Variants in RAPGEF3 observed in about 807,000 individuals in gnomAD.
RAPGEF3 encodes the protein Rap guanine nucleotide exchange factor 3.
RAPGEF3 carries 103 observed loss-of-function variants against 129.8 expected under a neutral mutation model. The ratio of observed to expected loss-of-function variants is 0.79; its 90% CI spans 0.68 to 0.93. The LOEUF is 0.93. Ranked by LOEUF, RAPGEF3 falls within the 40% of genes least tolerant of loss-of-function variation. RAPGEF3 has a pLI of 0.00. For missense variants in RAPGEF3, 1,117 were observed against 1,207.4 expected, an observed-to-expected ratio of 0.93 and a Z score of 1.11; for synonymous variants, 436 against 482.6, an observed-to-expected ratio of 0.90 and a Z score of 1.26.
chr12:47,744,140 G>A (rs1592547682), intron 16 of RAPGEF3, 72 bp from the exon 17 acceptor site: 2 of 1,293,066 alleles, frequency 1.5e-6, no homozygotes, highest in East Asian at 5.0e-5. Flanking sequence ...GGGATTGTGA[G>A]GTCCCTGTGT....
At chr12:47,742,547 C>T (rs949904296) in intron 18 of RAPGEF3, among the ~76,000 whole-genome samples, 1 of 152,184 alleles carries the variant, frequency 6.6e-6, no homozygotes, top group African/African-American at 2.4e-5. Context: ...CTGTCAAGCC[C>T]GTGCCCTCCG....
chr12:47,746,858 AC>A lies in RAPGEF3; in HGVS notation c.1596+1del, dbSNP rs1411997173. 1 of 1,592,566 alleles carries A rather than the reference AC, an allele frequency of 6.3e-7. No homozygotes were observed. The highest frequency in any genetic ancestry group is 8.5e-7 in the Non-Finnish European group (1 of 1,173,424). On this transcript the variant is annotated splice_donor_variant, in intron 16 of 27. Transcript: ENST00000449771. LOFTEE classifies it high-confidence loss of function. ...GGAAAGAAACTGGGGCCAGGCAGAC[AC>A]CTTCATCTGAGGAGATGCATTCCCA...
chr12:47,758,864 T>A lies in RAPGEF3; in HGVS notation c.-308A>T. ...GAAGGAGCCAGCTGGCACCGGGCGC[T>A]GAAGCAAGGCTGCGCTGGCACCGGT... On this transcript the variant is annotated 5_prime_UTR_variant, in exon 1 of 28. Coordinates refer to ENST00000449771, the MANE Select transcript of RAPGEF3 (RefSeq NM_001098531.4). The A allele has an allele frequency of 8.5e-7, 1 of 1,170,906 alleles. No homozygotes were observed. The highest frequency in any genetic ancestry group is 1.1e-6 in the Non-Finnish European group (1 of 946,906). The allele number at this position is 1,170,906 out of a possible 1,614,324, so 72.5% of individuals were successfully genotyped here.
chr12:47,757,476 G>A (rs1224408929), intron 2 of RAPGEF3, among the ~76,000 whole-genome samples: 1 of 152,112 alleles, frequency 6.6e-6, no homozygotes, highest in African/African-American at 2.4e-5. Context: ...TTGCCACGGT[G>A]ATGCACCCAG....
In RAPGEF3 at chr12:47,741,057, G is replaced by T; in HGVS notation, c.1924-17C>A. On this transcript the variant is annotated splice_polypyrimidine_tract_variant and intron_variant, in intron 19 of 27. Coordinates refer to ENST00000449771, the MANE Select transcript of RAPGEF3 (RefSeq NM_001098531.4). ...GTGTGGGATCTGCGGGTGGGAGAGT[G>T]CTCAGGGGGCTGCCTGAGGAATCCA... The T allele has an allele frequency of 6.2e-7, 1 of 1,610,588 alleles. No homozygotes were observed. Among genetic ancestry groups the T allele is most frequent in the Non-Finnish European group, 8.5e-7 (1 of 1,178,702 alleles).
chr12:47,743,555 C>G lies in RAPGEF3; in HGVS notation c.1800G>C (p.Val600=), dbSNP rs765751520. 2 of 1,614,008 alleles carry G rather than the reference C, an allele frequency of 1.2e-6. No individual in the cohort carries two copies. The highest frequency in any genetic ancestry group is 2.7e-5 in the African/African-American group (2 of 74,944). Residue 600 remains valine (V), a synonymous_variant, in exon 18 of 28, where the codon GTG becomes GTC. Coordinates refer to ENST00000449771, the MANE Select transcript of RAPGEF3 (RefSeq NM_001098531.4). The part of the protein sequence containing the change: ...AQEDGWTKGQ[V]LVKVNSAGDA... ...CACCTGCAGAATTGACCTTCACCAG[C>G]ACCTGCCCCTTGGTCCAGCCATCCT...
Position 47,740,198 on chromosome 12 carries a change from A to G in RAPGEF3, c.2323-7T>C. 4.3e-6 allele frequency: 7 copies of G among 1,613,798 alleles called. No individual in the cohort carries two copies. The highest frequency in any genetic ancestry group is 5.1e-6 in the Non-Finnish European group (6 of 1,179,908). Reference sequence around the variant, plus strand: ...GGACTTTGTGAGGCAGCCGCTGTGAAAAGGAGGCAGATGAGCGGCTGCTCT... The same window carrying G: ...GGACTTTGTGAGGCAGCCGCTGTGAGAAGGAGGCAGATGAGCGGCTGCTCT... On this transcript the variant is annotated splice_polypyrimidine_tract_variant and splice_region_variant and intron_variant, in intron 22 of 27. Transcript: ENST00000449771.
Position 47,737,336 on chromosome 12 carries a change from C to T in RAPGEF3, c.*231G>A. Reference sequence around the variant, plus strand: ...CACTCCTGGGGCCTCTCTGTCCTCCCTTCCTTGGCCTTGGGTCATTCGTTA... The same window carrying T: ...CACTCCTGGGGCCTCTCTGTCCTCCTTTCCTTGGCCTTGGGTCATTCGTTA... On this transcript the variant is annotated 3_prime_UTR_variant, in exon 28 of 28. Coordinates refer to ENST00000449771, the MANE Select transcript of RAPGEF3 (RefSeq NM_001098531.4). The T allele has an allele frequency of 1.8e-6, 1 of 551,930 alleles. No individual in the cohort carries two copies. Among genetic ancestry groups the T allele is most frequent in the Non-Finnish European group, 3.2e-6 (1 of 307,852 alleles). 34.2% of individuals were successfully genotyped at this position (551,930 alleles called of 1,614,324 possible).
At position 47,740,813 on chromosome 12, in the gene RAPGEF3, A is replaced by T. The variant is rs1489502671; in HGVS notation, c.2060T>A (p.Ile687Asn). ...LFNSIHQVEL[I>N]HYVLGPQHLR... Reference sequence around the variant, plus strand: ...ATGCTGGGGGCCCAGCACATAGTGGATCAGCTCCACCTGGGTGGGGTCAGC... The same window carrying T: ...ATGCTGGGGGCCCAGCACATAGTGGTTCAGCTCCACCTGGGTGGGGTCAGC... Residue 687 changes from isoleucine to asparagine, a missense_variant, in exon 21 of 28, where the codon ATC (isoleucine) becomes AAC (asparagine). By Grantham distance (149) the Ile-to-Asn change is moderately radical. Around this residue, in one of 3 missense-constraint regions of RAPGEF3, gnomAD observed 643 missense variants for 673.4 expected, o/e 0.95. Coordinates refer to ENST00000449771, the MANE Select transcript of RAPGEF3 (RefSeq NM_001098531.4). The T allele has an allele frequency of 6.2e-7, 1 of 1,613,892 alleles. No individual in the cohort carries two copies. Among genetic ancestry groups the T allele is most frequent in the Non-Finnish European group, 8.5e-7 (1 of 1,179,968 alleles).
chr12:47,748,241 C>T (rs555610914), intron 12 of RAPGEF3, 89 bp from the exon 13 acceptor site: 3 of 1,153,250 alleles, frequency 2.6e-6, no homozygotes, highest in African/African-American at 3.1e-5. Flanking sequence ...GACCCTTCCC[C>T]ACATCCCACC....
Position 47,739,204 on chromosome 12 carries a change from G to A in RAPGEF3, c.2400C>T (p.Tyr800=), listed in dbSNP as rs767527335. The change falls in exon 24 of 28, where the codon TAC becomes TAT. Residue 800 remains tyrosine (Y), a synonymous_variant. Coordinates refer to ENST00000449771, the MANE Select transcript of RAPGEF3 (RefSeq NM_001098531.4). ...GGGAGAGCTTGGCGAGGGCCAGTCG[G>A]TATACCCGGTGGTTCCATGAGGGAT... ...LLDPSWNHRV[Y]RLALAKLSPP... 81 of 1,611,884 alleles carry A rather than the reference G, an allele frequency of 5.0e-5. No individual in the cohort carries two copies. The highest frequency in any genetic ancestry group is 1.7e-4 in the Middle Eastern group (1 of 6,056).
Position 47,743,650 on chromosome 12 carries a change from G to A in RAPGEF3, c.1705C>T (p.His569Tyr), listed in dbSNP as rs149051230. Residue 569 changes from histidine to tyrosine, a missense_variant, in exon 18 of 28, where the codon CAC (histidine) becomes TAC (tyrosine). His to Tyr is a moderately conservative substitution (Grantham distance 83, BLOSUM62 2). Transcript: ENST00000449771. ...GGCAGCTGCAGGGTCAACACTGAGT[G>A]GTCTGGCCGGCAGATGTCATAGGGG... ...KVPYDICRPD[H>Y]SVLTLQLPVT... The A allele has an allele frequency of 1.1e-5, 17 of 1,610,524 alleles. No individual in the cohort carries two copies. Among genetic ancestry groups the A allele is most frequent in the Non-Finnish European group, 1.4e-5 (17 of 1,177,160 alleles).
In RAPGEF3 at chr12:47,743,684, G is replaced by A; in HGVS notation, c.1679-8C>T. The A allele has an allele frequency of 6.2e-7, 1 of 1,603,402 alleles. No homozygotes were observed. On this transcript the variant is annotated splice_region_variant and splice_polypyrimidine_tract_variant and intron_variant, in intron 17 of 27. Coordinates refer to ENST00000449771, the MANE Select transcript of RAPGEF3 (RefSeq NM_001098531.4). ...GGCAGATGTCATAGGGGACTGAAGA[G>A]GAGACCAGACTGAGCTGTGGGAAGG...
intron 15 of RAPGEF3, 40 bp downstream of exon 15, chr12:47,747,504 C>A: frequency 6.3e-7 from 1 of 1,597,682 alleles, no homozygotes; most frequent in South Asian, 1.1e-5. Flanking sequence ...ATGGCACTGC[C>A]AGTTATGGAA....
intron 2 of RAPGEF3, 68 bp from the exon 3 acceptor site, chr12:47,752,037 CT>C: frequency 6.5e-7 from 1 of 1,532,740 alleles, no homozygotes; most frequent in Non-Finnish European, 9.0e-7. Flanking sequence ...GATACCTCCC[CT>C]CCCCCATCAC....
rs553570430 is a variant in RAPGEF3 at position 47,746,718 on chromosome 12, C to G, written c.1596+142G>C. 3 of 1,015,806 alleles carry G rather than the reference C, an allele frequency of 3.0e-6. No individual in the cohort carries two copies. The Admixed American group carries it at 6.0e-5, about 20-fold the overall frequency. The allele number at this position is 1,015,806 out of a possible 1,614,324, so 62.9% of individuals were successfully genotyped here. A position where few individuals can be genotyped will look rare whatever the true frequency, so the allele number is the denominator to read the frequency against. ...AGGGCACCACATGCAGCAAGGGCCC[C>G]GTGAACACCTATCAGAGACCCAAGG... is the stretch of plus-strand genomic sequence containing the variant. On this transcript the variant is annotated intron_variant, in intron 16 of 27. Coordinates refer to ENST00000449771, the MANE Select transcript of RAPGEF3 (RefSeq NM_001098531.4).
At chr12:47,743,889 A>G in intron 17 of RAPGEF3, 98 bp downstream of exon 17, 1 of 1,414,078 alleles carries the variant, frequency 7.1e-7, no homozygotes, top group Non-Finnish European at 9.9e-7. Context: ...ACCTTGGCCC[A>G]GGCACACCGA....
chr12:47,744,256 G>A, intron 16 of RAPGEF3, 188 bp from the exon 17 acceptor site: 1 of 604,496 alleles, frequency 1.7e-6, no homozygotes, highest in South Asian at 2.0e-5. Context: ...TCCAGGAGAA[G>A]ACACAACATG....
intron 11 of RAPGEF3, 41 bp downstream of exon 11, chr12:47,748,778 A>T: frequency 7.1e-7 from 1 of 1,411,620 alleles, no homozygotes; most frequent in South Asian, 1.1e-5. Context: ...GGGAAATGAA[A>T]GGAGGGACAG....
Sources: allele counts gnomAD v4.1 joint callset (sites outside exome capture counted in the v4.1 genomes callset), GRCh38; gene constraint gnomAD v4.1.1; regional missense constraint gnomAD v4.1.1; transcripts MANE v1.5; gene names NCBI Gene and HGNC (gene_info 2026-07-23, HGNC 2026-07-21).